KCND3: variants seen among roughly 807,000 people sequenced by gnomAD.
KCND3 encodes A-type voltage-gated potassium channel KCND3.
In KCND3, 9 loss-of-function variants were observed where a neutral mutation model predicts 51.1. The ratio of observed to expected loss-of-function variants is 0.18; its 90% CI spans 0.11 to 0.31. KCND3 has a LOEUF of 0.31. Among genes scored for constraint, KCND3 ranks in the 10% least tolerant of loss-of-function variants. The pLI is 1.00. For missense variants in KCND3, 526 were observed against 903.8 expected, an observed-to-expected ratio of 0.58 and a Z score of 5.36; for synonymous variants, 349 against 368.0, an observed-to-expected ratio of 0.95 and a Z score of 0.59.
chr1:111,848,397 C>T (rs1264486743), intron 2 of KCND3, among the ~76,000 whole-genome samples: 1 of 152,236 alleles, frequency 6.6e-6, no homozygotes, highest in Non-Finnish European at 1.5e-5. Flanking sequence ...AAATGTCACA[C>T]AGCCAGGGCT....
rs115759763 is a variant in KCND3 at position 111,868,187 on chromosome 1, G to A, written c.1107-81081C>T. ...ATAGACAATTCATAAGTTTTAAGTC[G>A]TGGGCTGCTCTGAGTGGTGTGATGA... On this transcript the variant is annotated intron_variant, in intron 2 of 7. Transcript: ENST00000302127. Among the ~76,000 whole-genome samples, 1,305 of 152,260 alleles carry A rather than the reference G, an allele frequency of 8.6e-3. 10 individuals carry two copies. Among genetic ancestry groups the A allele is most frequent in the Non-Finnish European group, 0.015 (1,013 of 68,020 alleles).
At chr1:111,900,826 A>G (rs1205106627) in intron 2 of KCND3, among the ~76,000 whole-genome samples, 8 of 152,038 alleles carry the variant, frequency 5.3e-5, no homozygotes, top group African/African-American at 1.9e-4. Context: ...GTGTGGTGGC[A>G]TGCGCCTGTA....
At chr1:111,969,488 T>C (rs562199652) in intron 2 of KCND3, among the ~76,000 whole-genome samples, 3 of 152,338 alleles carry the variant, frequency 2.0e-5, no homozygotes, top group African/African-American at 4.8e-5. Flanking sequence ...ACTGCCAGTC[T>C]GAATCCCAAA....
At chr1:111,823,007 T>C (rs1030684730) in intron 2 of KCND3, among the ~76,000 whole-genome samples, 1 of 152,206 alleles carries the variant, frequency 6.6e-6, no homozygotes, top group Admixed American at 6.5e-5. Flanking sequence ...GGTTTATAAG[T>C]GTGGAGGCAC....
intron 2 of KCND3, among the ~76,000 whole-genome samples, chr1:111,962,879 AC>A (rs1673741145): frequency 6.6e-6 from 1 of 152,198 alleles, no homozygotes; most frequent in African/African-American, 2.4e-5. Flanking sequence ...GACATTAACA[AC>A]TGTGACACAA....
chr1:111,841,500 T>C (rs1402940106), intron 2 of KCND3, among the ~76,000 whole-genome samples: 1 of 152,230 alleles, frequency 6.6e-6, no homozygotes, highest in Non-Finnish European at 1.5e-5. Flanking sequence ...TCTGGAAAAT[T>C]TCTTCTTTCT....
intron 2 of KCND3, chr1:111,909,668 G>T (rs1670838593): frequency 6.6e-6 from 1 of 152,170 alleles, no homozygotes; most frequent in South Asian, 2.1e-4. Context: ...AACAGAAAAG[G>T]AAAAGTCCTG....
intron 2 of KCND3, among the ~76,000 whole-genome samples, chr1:111,828,317 A>G (rs4839172): frequency 0.086 from 13,163 of 152,178 alleles, 958 homozygotes; most frequent in East Asian, 0.4. Context: ...ACTTCCGTCT[A>G]CCTGTGGCCA....
intron 2 of KCND3, among the ~76,000 whole-genome samples, chr1:111,895,997 A>T (rs868841956): frequency 6.6e-6 from 1 of 152,252 alleles, no homozygotes; most frequent in South Asian, 2.1e-4. Context: ...CAGGACTAAG[A>T]TAAAAATAAT....
At chr1:111,859,163 C>G (rs1163751671) in intron 2 of KCND3, among the ~76,000 whole-genome samples, 1 of 152,192 alleles carries the variant, frequency 6.6e-6, no homozygotes. Flanking sequence ...AACTCTCTAG[C>G]ATGACCTACA....
chr1:111,915,873 A>C (rs1056172993), intron 2 of KCND3, among the ~76,000 whole-genome samples: 6 of 152,150 alleles, frequency 3.9e-5, no homozygotes, highest in Non-Finnish European at 7.3e-5. Context: ...AATTAAAAAA[A>C]AAAACAAAAC....
chr1:111,806,430 C>T, intron 2 of KCND3, among the ~76,000 whole-genome samples: 1 of 152,180 alleles, frequency 6.6e-6, no homozygotes, highest in East Asian at 1.9e-4. Context: ...ACGCTATGGG[C>T]TTTGGGCTCA....
intron 2 of KCND3, among the ~76,000 whole-genome samples, chr1:111,803,808 A>G (rs1225450673): frequency 6.6e-6 from 1 of 152,182 alleles, no homozygotes; most frequent in Non-Finnish European, 1.5e-5. Context: ...TTCCATAATT[A>G]AAAAGTTAGA....
intron 2 of KCND3, among the ~76,000 whole-genome samples, chr1:111,927,846 TC>T: frequency 6.6e-6 from 1 of 152,248 alleles, no homozygotes; most frequent in East Asian, 1.9e-4. Flanking sequence ...TCACTCCTCT[TC>T]CCTCTCCACA....
chr1:111,871,504 G>GA (rs1668826255), intron 2 of KCND3, among the ~76,000 whole-genome samples: 1 of 152,192 alleles, frequency 6.6e-6, no homozygotes, highest in Admixed American at 6.5e-5. Flanking sequence ...TAGGGAGCAT[G>GA]AAAGGAAGAA....
chr1:111,926,024 A>G (rs1238359576), intron 2 of KCND3, among the ~76,000 whole-genome samples: 1 of 152,184 alleles, frequency 6.6e-6, no homozygotes, highest in Non-Finnish European at 1.5e-5. Context: ...ATTCCTAATT[A>G]TTGTGCAGTT....
intron 2 of KCND3, among the ~76,000 whole-genome samples, chr1:111,887,003 A>T (rs553953524): frequency 5.9e-5 from 9 of 152,310 alleles, no homozygotes; most frequent in African/African-American, 2.2e-4. Context: ...CCTCTAAGAA[A>T]ATAAGCCCTG....
At chr1:111,848,957 C>T (rs1459742736) in intron 2 of KCND3, among the ~76,000 whole-genome samples, 2 of 152,162 alleles carry the variant, frequency 1.3e-5, no homozygotes, top group African/African-American at 4.8e-5. Flanking sequence ...AGGCTGATCT[C>T]CATCCTTCCC....
intron 2 of KCND3, among the ~76,000 whole-genome samples, chr1:111,805,465 C>T (rs1665522183): frequency 6.6e-6 from 1 of 152,230 alleles, no homozygotes; most frequent in Non-Finnish European, 1.5e-5. Context: ...TGGTAGGTTC[C>T]TTCCTGAGCC....
Sources: gnomAD v4.1 joint callset for allele counts (sites outside exome capture counted in the v4.1 genomes callset) on GRCh38, gnomAD v4.1.1 for gene constraint, MANE v1.5 for transcripts, NCBI Gene and HGNC (gene_info 2026-07-23, HGNC 2026-07-21) for gene names.